The following DLG2 variants were observed in gnomAD, a reference collection of about 807,000 sequenced individuals.
The protein encoded by DLG2 is disks large homolog 2.
In DLG2, 45 loss-of-function variants were observed where a neutral mutation model predicts 132.5. That is an observed-to-expected ratio of 0.34 (90% confidence interval 0.27 to 0.44). DLG2 has a LOEUF of 0.44. Among genes scored for constraint, DLG2 ranks in the 20% least tolerant of loss-of-function variants. The pLI is 1.00. For synonymous variants in DLG2, 424 were observed against 419.6 expected, an observed-to-expected ratio of 1.01 and a Z score of -0.13; for missense variants, 1,045 against 1,196.9, an observed-to-expected ratio of 0.87 and a Z score of 1.87.
chr11:84,294,427 A>G (rs1257149212), intron 7 of DLG2, among the ~76,000 whole-genome samples: 1 of 151,786 alleles, frequency 6.6e-6, no homozygotes, highest in Non-Finnish European at 1.5e-5. Flanking sequence ...GTGAAACCCC[A>G]TCTCTACTAA....
intron 18 of DLG2, among the ~76,000 whole-genome samples, chr11:83,692,415 T>A (rs2081147376): frequency 6.6e-6 from 1 of 152,220 alleles, no homozygotes; most frequent in African/African-American, 2.4e-5. Context: ...ATTCTGTTTA[T>A]ATGAAATGCC....
chr11:84,940,087 A>G (rs996848146), intron 6 of DLG2, among the ~76,000 whole-genome samples: 2 of 152,168 alleles, frequency 1.3e-5, no homozygotes, highest in African/African-American at 2.4e-5. Flanking sequence ...GCCAGCATTC[A>G]TTATTGCCTA....
chr11:84,822,187 A>C (rs1181080744), intron 6 of DLG2, among the ~76,000 whole-genome samples: 1 of 151,826 alleles, frequency 6.6e-6, no homozygotes, highest in African/African-American at 2.4e-5. Flanking sequence ...GAATGTCCAA[A>C]ACACTTTATG....
chr11:85,032,355 AAC>A (rs1349691614), intron 6 of DLG2, among the ~76,000 whole-genome samples: 3 of 152,198 alleles, frequency 2.0e-5, no homozygotes, highest in Admixed American at 6.5e-5. Flanking sequence ...AAGCATTATA[AAC>A]AGTTTTTACA....
At chr11:84,184,291 C>A (rs891642274) in intron 8 of DLG2, among the ~76,000 whole-genome samples, 1 of 150,900 alleles carries the variant, frequency 6.6e-6, no homozygotes, top group East Asian at 1.9e-4. Context: ...GATGGTATCT[C>A]ATTGTGGTTT....
intron 8 of DLG2, among the ~76,000 whole-genome samples, chr11:84,167,416 A>G (rs1416558598): frequency 1.3e-5 from 2 of 151,714 alleles, no homozygotes. Context: ...AACAGCTTTT[A>G]GTTAATTTTA....
At chr11:84,213,642 A>T (rs2096787695) in intron 8 of DLG2, among the ~76,000 whole-genome samples, 1 of 152,042 alleles carries the variant, frequency 6.6e-6, no homozygotes, top group African/African-American at 2.4e-5. Flanking sequence ...ACATGGTCAA[A>T]CCCTGTCTCT....
At chr11:83,477,742 GT>G (rs35958666) in intron 22 of DLG2, among the ~76,000 whole-genome samples, 20 of 151,004 alleles carry the variant, frequency 1.3e-4, no homozygotes, top group African/African-American at 4.4e-4. Flanking sequence ...GAAAAGAGGG[GT>G]TTTTTTTTGT....
At chr11:84,528,585 A>G (rs1416585649) in intron 7 of DLG2, among the ~76,000 whole-genome samples, 2 of 152,240 alleles carry the variant, frequency 1.3e-5, no homozygotes, top group Non-Finnish European at 2.9e-5. Flanking sequence ...ATTCTCCATT[A>G]ATACTAGAGT....
At chr11:84,287,004 G>A (rs2097916251) in intron 7 of DLG2, among the ~76,000 whole-genome samples, 2 of 152,120 alleles carry the variant, frequency 1.3e-5, no homozygotes, top group African/African-American at 4.8e-5. Flanking sequence ...TTGGGCCTCA[G>A]TTTCCTCATA....
intron 6 of DLG2, among the ~76,000 whole-genome samples, chr11:84,867,808 C>T (rs190566002): frequency 5.9e-5 from 9 of 152,272 alleles, no homozygotes; most frequent in Admixed American, 2.6e-4. Flanking sequence ...GACGTGGTGG[C>T]TCACGCCTGT....
At chr11:84,158,800 G>C (rs2154258698) in intron 9 of DLG2, among the ~76,000 whole-genome samples, 1 of 152,310 alleles carries the variant, frequency 6.6e-6, no homozygotes, top group South Asian at 2.1e-4. Flanking sequence ...GTTGTTTGTT[G>C]AGAGTGGAAT....
chr11:85,145,573 C>A (rs1367609398), intron 5 of DLG2, among the ~76,000 whole-genome samples: 1 of 151,958 alleles, frequency 6.6e-6, no homozygotes, highest in Non-Finnish European at 1.5e-5. Flanking sequence ...TTCAATCTCA[C>A]CAACTTTTCC....
intron 8 of DLG2, among the ~76,000 whole-genome samples, chr11:84,214,832 T>C (rs919115759): frequency 6.6e-6 from 1 of 152,174 alleles, no homozygotes; most frequent in African/African-American, 2.4e-5. Flanking sequence ...TTTCAGGCAC[T>C]TAGGTAATCT....
intron 18 of DLG2, among the ~76,000 whole-genome samples, chr11:83,662,485 A>G (rs1359457797): frequency 6.6e-6 from 1 of 152,218 alleles, no homozygotes; most frequent in Non-Finnish European, 1.5e-5. Context: ...ATAGAACTTT[A>G]AAAAAGGGAA....
At chr11:84,019,488 G>C (rs1012704981) in intron 11 of DLG2, among the ~76,000 whole-genome samples, 1 of 152,160 alleles carries the variant, frequency 6.6e-6, no homozygotes, top group Non-Finnish European at 1.5e-5. Flanking sequence ...GCGAAAAGAC[G>C]TAAGGAGGAT....
intron 12 of DLG2, among the ~76,000 whole-genome samples, chr11:83,975,304 A>G (rs1009353449): frequency 1.3e-5 from 2 of 151,988 alleles, no homozygotes; most frequent in African/African-American, 4.8e-5. Flanking sequence ...ACAACACTAA[A>G]CCACTGGTAC....
chr11:83,708,762 T>C (rs1000025507), intron 18 of DLG2, among the ~76,000 whole-genome samples: 7 of 152,172 alleles, frequency 4.6e-5, no homozygotes, highest in Non-Finnish European at 1.0e-4. Context: ...GGAATCCTTT[T>C]TTTTAATGGG....
intron 6 of DLG2, among the ~76,000 whole-genome samples, chr11:84,872,020 T>G (rs191795479): frequency 5.9e-5 from 9 of 152,208 alleles, no homozygotes; most frequent in African/African-American, 2.2e-4. Context: ...AATGCAGTAT[T>G]TTAAATGTTC....
Sources: gnomAD v4.1 joint callset for allele counts (sites outside exome capture counted in the v4.1 genomes callset) on GRCh38, gnomAD v4.1.1 for gene constraint, MANE v1.5 for transcripts, NCBI Gene and HGNC (gene_info 2026-07-23, HGNC 2026-07-21) for gene names.